ESRRB: variants seen among roughly 807,000 people sequenced by gnomAD.
ESRRB encodes estrogen related receptor beta, also known as steroid hormone receptor ERR2.
ESRRB carries 16 observed loss-of-function variants against 46.0 expected under a neutral mutation model. The observed-to-expected ratio is 0.35, with a 90% CI of 0.24 to 0.53. The LOEUF (loss-of-function observed/expected upper bound fraction) is 0.53, where lower values mean the gene tolerates loss of function less well. ESRRB is among the 20% of genes least tolerant of loss of function. ESRRB has a pLI of 0.93. For synonymous variants in ESRRB, 246 were observed against 259.6 expected, an observed-to-expected ratio of 0.95 and a Z score of 0.50; for missense variants, 488 against 607.4, an observed-to-expected ratio of 0.80 and a Z score of 2.07.
chr14:76,497,272 C>T (rs1390793823), intron 6 of ESRRB, among the ~76,000 whole-genome samples: 1 of 152,116 alleles, frequency 6.6e-6, no homozygotes. Context: ...CCAGTGAAGA[C>T]TCAGCCCTGC....
chr14:76,344,442 C>T (rs1290727979), intron 1 of ESRRB, among the ~76,000 whole-genome samples: 2 of 151,988 alleles, frequency 1.3e-5, no homozygotes, highest in Non-Finnish European at 2.9e-5. Flanking sequence ...TCCCCACAAG[C>T]CCCCAAACTC....
chr14:76,480,820 C>G (rs1489063907), intron 3 of ESRRB, among the ~76,000 whole-genome samples: 2 of 152,252 alleles, frequency 1.3e-5, no homozygotes, highest in African/African-American at 4.8e-5. Context: ...GTGATACTCA[C>G]TGCCTTTGGG....
intron 3 of ESRRB, among the ~76,000 whole-genome samples, chr14:76,473,413 C>G (rs1409152388): frequency 6.6e-6 from 1 of 152,222 alleles, no homozygotes; most frequent in African/African-American, 2.4e-5. Context: ...GACCTCAGAC[C>G]TGGATAGTAG....
At chr14:76,494,307 C>CTT (rs34982499) in intron 6 of ESRRB, among the ~76,000 whole-genome samples, 32,512 of 142,190 alleles carry the variant, frequency 0.23, 3,841 homozygotes, top group Non-Finnish European at 0.26. Context: ...TACAGAATAA[C>CTT]TTTTTTTTTT....
chr14:76,376,427 C>G lies in ESRRB; in HGVS notation c.26C>G (p.Pro9Arg). The change falls in exon 1 of 7, where the codon CCG (proline) becomes CGG (arginine). Residue 9 changes from proline to arginine, a missense_variant. Coordinates refer to ENST00000644823, the MANE Select transcript of ESRRB (RefSeq NM_001379180.1). This position sits in a 1 kb window ranked among gnomAD's most constrained non-coding sequence, Gnocchi z 4.1. ...ATGGACGTGTCCGAACTCTGCATCCCGGACCCCCTCGGCTACCACAACCAG... is the reference window on the plus strand; with the variant it reads ...ATGGACGTGTCCGAACTCTGCATCCGGGACCCCCTCGGCTACCACAACCAG... MDVSELCIPDPLGYHNQLL... is the reference protein window; with the variant it reads MDVSELCIRDPLGYHNQLL... The G allele has an allele frequency of 8.1e-7, 1 of 1,231,730 alleles. No individual in the cohort carries two copies. Among genetic ancestry groups the G allele is most frequent in the Non-Finnish European group, 1.0e-6 (1 of 988,004 alleles). 76.3% of individuals were successfully genotyped at this position (1,231,730 alleles called of 1,614,324 possible).
intron 1 of ESRRB, among the ~76,000 whole-genome samples, chr14:76,327,659 G>T (rs1256198960): frequency 1.3e-5 from 2 of 152,088 alleles, no homozygotes; most frequent in Non-Finnish European, 2.9e-5. Context: ...TTGAATGGCG[G>T]CACTGGAAGT....
Position 76,501,059 on chromosome 14 carries a change from G to A in ESRRB, c.*2601G>A. 2.5e-6 allele frequency: 1 copy of A among 394,052 alleles called. No homozygotes were observed. Among genetic ancestry groups the A allele is most frequent in the Middle Eastern group, 7.5e-4 (1 of 1,340 alleles). The allele number at this position is 394,052 out of a possible 1,614,324, so 24.4% of individuals were successfully genotyped here. On this transcript the variant is annotated 3_prime_UTR_variant, in exon 7 of 7. Transcript: ENST00000644823. ...GGGAAGGGAGAGGACTGACTTAGTG[G>A]AAGGTGGTGAAGTGAGGAGAGTTTA...
chr14:76,462,485 C>T (rs1006992465), intron 2 of ESRRB, 60 bp from the exon 3 acceptor site: 10 of 1,314,498 alleles, frequency 7.6e-6, no homozygotes, highest in Non-Finnish European at 1.1e-5. Flanking sequence ...CAGCCCTGCG[C>T]TGGCAGGTGG....
At chr14:76,404,078 T>C (rs1049833440) in intron 1 of ESRRB, among the ~76,000 whole-genome samples, 34 of 152,122 alleles carry the variant, frequency 2.2e-4, no homozygotes, top group Non-Finnish European at 1.5e-4. Flanking sequence ...CTACATACTC[T>C]CAAATATCTG....
chr14:76,456,461 C>T (rs1361373607), intron 2 of ESRRB, among the ~76,000 whole-genome samples: 1 of 151,990 alleles, frequency 6.6e-6, no homozygotes, highest in Non-Finnish European at 1.5e-5. Flanking sequence ...GGACCATGGT[C>T]GCAAGGGGTG....
At chr14:76,495,761 A>C (rs1566618375) in intron 6 of ESRRB, among the ~76,000 whole-genome samples, 3 of 152,234 alleles carry the variant, frequency 2.0e-5, no homozygotes, top group African/African-American at 7.2e-5. Context: ...TTATTAAAAA[A>C]ATGAAATTAA....
chr14:76,468,423 G>GCA (rs1291860510), intron 3 of ESRRB, among the ~76,000 whole-genome samples: 1 of 82,748 alleles, frequency 1.2e-5, no homozygotes. Flanking sequence ...CCCCAAACAC[G>GCA]CACACACACA....
chr14:76,445,465 T>C (rs1216956567), intron 2 of ESRRB, among the ~76,000 whole-genome samples: 2 of 35,488 alleles, frequency 5.6e-5, no homozygotes, highest in African/African-American at 2.6e-4. Flanking sequence ...AAACTCCGTC[T>C]CAAAAAAAAA....
At chr14:76,336,730 G>A (rs1884130928) in intron 1 of ESRRB, among the ~76,000 whole-genome samples, 1 of 152,186 alleles carries the variant, frequency 6.6e-6, no homozygotes, top group African/African-American at 2.4e-5. Context: ...CCTGGGGGGC[G>A]ATACCCACTC....
In ESRRB at chr14:76,400,304, G is replaced by A. The variant is rs181962283; in HGVS notation, c.50+23853G>A. Among the ~76,000 whole-genome samples the A allele has an allele frequency of 2.9e-3, 443 of 152,290 alleles. 1 individual carries two copies. The highest frequency in any genetic ancestry group is 8.5e-3 in the Admixed American group (130 of 15,306). On this transcript the variant is annotated intron_variant, in intron 1 of 6. Transcript: ENST00000644823. ...TTTAGAAGTTTTGAATAAGAAAATA[G>A]CAAGCTGAGAACATAATCTGGGGAG...
intron 3 of ESRRB, among the ~76,000 whole-genome samples, chr14:76,466,256 C>A (rs544736974): frequency 4.6e-5 from 7 of 152,172 alleles, no homozygotes; most frequent in African/African-American, 1.7e-4. Flanking sequence ...CTGCTCCCCT[C>A]GCCTGCACGT....
At chr14:76,488,974 G>A (rs1240784366) in intron 5 of ESRRB, among the ~76,000 whole-genome samples, 1 of 152,124 alleles carries the variant, frequency 6.6e-6, no homozygotes, top group African/African-American at 2.4e-5. Context: ...TTCTGTCCCC[G>A]GTGCCTAGCA....
chr14:76,360,579 A>T (rs909564240), intron 1 of ESRRB, among the ~76,000 whole-genome samples: 1 of 152,156 alleles, frequency 6.6e-6, no homozygotes, highest in African/African-American at 2.4e-5. Flanking sequence ...CCCTGAGAAT[A>T]CCCTGGACAC....
intron 1 of ESRRB, among the ~76,000 whole-genome samples, chr14:76,324,674 C>G (rs528535851): frequency 3.3e-5 from 5 of 152,326 alleles, no homozygotes; most frequent in South Asian, 2.1e-4. Flanking sequence ...TGGGTTACAT[C>G]TCTCTTTCTC....
Sources: gnomAD v4.1 joint callset for allele counts (sites outside exome capture counted in the v4.1 genomes callset) on GRCh38, gnomAD v4.1.1 for gene constraint, Gnocchi (gnomAD v3.1) non-coding constraint, MANE v1.5 for transcripts, NCBI Gene and HGNC (gene_info 2026-07-23, HGNC 2026-07-21) for gene names.